Variants in NACC1 observed in about 807,000 individuals in gnomAD.
NACC1 encodes nucleus accumbens associated 1.
In NACC1, 6 loss-of-function variants were observed where a neutral mutation model predicts 41.7. The observed-to-expected ratio is 0.14, with a 90% CI of 0.08 to 0.28. The LOEUF (loss-of-function observed/expected upper bound fraction) is 0.28. Ranked by LOEUF, NACC1 falls within the 10% of genes least tolerant of loss-of-function variation. The probability of loss-of-function intolerance (pLI) is 1.00; values close to 1 mark genes in which losing one functional copy is unlikely to be tolerated. For missense variants in NACC1, 434 were observed against 763.7 expected (o/e 0.57, Z 5.09); for synonymous variants, 338 against 330.6 (o/e 1.02, Z -0.24).
chr19:13,127,477 G>C (rs1441376046), intron 1 of NACC1, among the ~76,000 whole-genome samples: 1 of 145,586 alleles, frequency 6.9e-6, no homozygotes, highest in Non-Finnish European at 1.5e-5. Context: ...GATCACTTGA[G>C]GTCAGGAGTT....
intron 1 of NACC1, among the ~76,000 whole-genome samples, chr19:13,123,245 T>C (rs1202488640): frequency 6.6e-6 from 1 of 152,168 alleles, no homozygotes; most frequent in East Asian, 1.9e-4. Flanking sequence ...TGCTGCCCTG[T>C]CTTTTGGGTA....
At position 13,139,768 on chromosome 19, in the gene NACC1, C is replaced by G. The variant is rs199609207; in HGVS notation, c.*1362C>G. ...CTTTTACCATTCCTCTCTTTTTGTTCTCGCCCAGAGTGGGTGGTTTTTTGT... is the reference window on the plus strand; with the variant it reads ...CTTTTACCATTCCTCTCTTTTTGTTGTCGCCCAGAGTGGGTGGTTTTTTGT... On this transcript the variant is annotated 3_prime_UTR_variant, in exon 6 of 6. Transcript: ENST00000292431. The G allele has an allele frequency of 1.3e-5, 2 of 152,638 alleles. No individual in the cohort carries two copies. The highest frequency in any genetic ancestry group is 2.9e-5 in the Non-Finnish European group (2 of 68,270). 9.5% of individuals were successfully genotyped at this position (152,638 alleles called of 1,614,324 possible).
chr19:13,120,053 G>A (rs77336124), intron 1 of NACC1, among the ~76,000 whole-genome samples: 3,185 of 152,276 alleles, frequency 0.021, 66 homozygotes, highest in Admixed American at 0.066. Context: ...ATTCCCTGGC[G>A]GGCGTTCTCC....
intron 1 of NACC1, among the ~76,000 whole-genome samples, chr19:13,125,970 CAG>C (rs2019556269): frequency 6.6e-6 from 1 of 151,770 alleles, no homozygotes; most frequent in South Asian, 2.1e-4. Flanking sequence ...CTCCTGACCT[CAG>C]GTGATCCGCC....
intron 1 of NACC1, among the ~76,000 whole-genome samples, chr19:13,122,518 C>A: frequency 1.0e-5 from 1 of 96,376 alleles, no homozygotes; most frequent in South Asian, 4.0e-4. Context: ...TTTGGTTGCC[C>A]CTGCCGGGGG....
chr19:13,135,992 C>T lies in NACC1; in HGVS notation c.785C>T (p.Thr262Ile), dbSNP rs755051639. The T allele has an allele frequency of 6.2e-7, 1 of 1,612,394 alleles. No homozygotes were observed. The highest frequency in any genetic ancestry group is 1.1e-5 in the South Asian group (1 of 90,718). ...VVSGPSTSER[T>I]SPGTSSAYTS... The stretch of plus-strand genomic sequence containing the variant: ...AGTGGGCCCAGCACGTCGGAGCGGA[C>T]CAGCCCAGGCACCTCAAGCGCCTAC... Residue 262 changes from threonine to isoleucine, a missense_variant, in exon 2 of 6, where the codon ACC becomes ATC. Coordinates refer to ENST00000292431, the MANE Select transcript of NACC1 (RefSeq NM_052876.4).
intron 1 of NACC1, among the ~76,000 whole-genome samples, chr19:13,118,738 C>A (rs553568795): frequency 8.0e-6 from 1 of 125,672 alleles, no homozygotes; most frequent in Admixed American, 8.6e-5. Context: ...ACCGGGGATC[C>A]GGGGAAGTTG....
At chr19:13,119,643 C>A (rs2019463706) in intron 1 of NACC1, among the ~76,000 whole-genome samples, 1 of 152,166 alleles carries the variant, frequency 6.6e-6, no homozygotes, top group Non-Finnish European at 1.5e-5. Context: ...TGTGCCATCT[C>A]CCTGGGGGTG....
At position 13,137,556 on chromosome 19, in the gene NACC1, C is replaced by T. The variant is rs372781005; in HGVS notation, c.1305C>T (p.Arg435=). The change falls in exon 5 of 6, where the codon CGC becomes CGT. Residue 435 remains arginine, a synonymous_variant. Coordinates refer to ENST00000292431, the MANE Select transcript of NACC1 (RefSeq NM_052876.4). This position sits in a 1 kb window ranked among gnomAD's most constrained non-coding sequence, Gnocchi z 6.1. ...CCCGTCGGAAGCCCCTGGACAGCCG[C>T]GTGCTCCACGCTGTCAAGTGTGAGT... is the stretch of plus-strand genomic sequence containing the variant. ...NDPRRKPLDS[R]VLHAVKYYCQ... is the part of the protein sequence containing the mutation. The T allele has an allele frequency of 3.9e-6, 6 of 1,557,644 alleles. No individual in the cohort carries two copies. Among genetic ancestry groups the T allele is most frequent in the Admixed American group, 1.9e-5 (1 of 51,344 alleles).
At chr19:13,129,941 C>T (rs375320203) in intron 1 of NACC1, among the ~76,000 whole-genome samples, 3 of 151,828 alleles carry the variant, frequency 2.0e-5, no homozygotes, top group Non-Finnish European at 2.9e-5. Flanking sequence ...TACCTGTGGC[C>T]GGTGCTGGGT....
At chr19:13,122,793 T>C (rs1393526375) in intron 1 of NACC1, among the ~76,000 whole-genome samples, 1 of 151,946 alleles carries the variant, frequency 6.6e-6, no homozygotes, top group African/African-American at 2.4e-5. Context: ...GTCTGGGAGA[T>C]GGTGAGAGGC....
At chr19:13,130,683 GCACCACCA>G (rs980014759) in intron 1 of NACC1, among the ~76,000 whole-genome samples, 5 of 151,964 alleles carry the variant, frequency 3.3e-5, no homozygotes, top group South Asian at 2.1e-4. Flanking sequence ...CTACAGATGT[GCACCACCA>G]CACCCGGCTA....
rs149246627 is a variant in NACC1 at position 13,137,618 on chromosome 19, G to A, written c.1324+43G>A. 2.7e-4 allele frequency: 401 copies of A among 1,503,462 alleles called. 1 individual carries two copies. In the African/African-American group the frequency reaches 4.7e-3, roughly 18 times the overall value. The allele number at this position is 1,503,462 out of a possible 1,614,324, so 93.1% of individuals were successfully genotyped here. On this transcript the variant is annotated intron_variant, in intron 5 of 5. Coordinates refer to ENST00000292431, the MANE Select transcript of NACC1 (RefSeq NM_052876.4). This position sits in a 1 kb window ranked among gnomAD's most constrained non-coding sequence, Gnocchi z 6.1. ...TGGACGAGGCGTGGGCCCGGGGCAC[G>A]CAGGTTGACGTTTTTTCCCAGCCTT...
Position 13,136,598 on chromosome 19 carries a change from G to A in NACC1, c.1120+193G>A, listed in dbSNP as rs1280275161. ...CTGATACAGCAAGGCCTGGCCTCTA[G>A]GTTTCTGGCTTAAGGGGTCGGGGCG... On this transcript the variant is annotated intron_variant, in intron 3 of 5. Coordinates refer to ENST00000292431, the MANE Select transcript of NACC1 (RefSeq NM_052876.4). The surrounding 1 kb of genome is among the most constrained non-coding windows in gnomAD (Gnocchi z 5.5). Among the ~76,000 whole-genome samples, 3 of 152,174 alleles carry A rather than the reference G, an allele frequency of 2.0e-5. No individual in the cohort carries two copies. Among genetic ancestry groups the A allele is most frequent in the African/African-American group, 7.2e-5 (3 of 41,444 alleles).
chr19:13,117,259 C>G (rs2019398493), upstream of NACC1: 1 of 152,354 alleles, frequency 6.6e-6, no homozygotes, highest in African/African-American at 2.4e-5. Flanking sequence ...GTGGTCCCGG[C>G]TACCTGGGTT....
intron 1 of NACC1, among the ~76,000 whole-genome samples, chr19:13,125,484 G>A (rs1599985871): frequency 6.8e-6 from 1 of 147,038 alleles, no homozygotes; most frequent in South Asian, 2.1e-4. Context: ...GCAGTGGTGC[G>A]ATCTTGACTC....
In NACC1 at chr19:13,136,425, G is replaced by C. The variant is rs200497854; in HGVS notation, c.1120+20G>C. On this transcript the variant is annotated intron_variant, in intron 3 of 5. Coordinates refer to ENST00000292431, the MANE Select transcript of NACC1 (RefSeq NM_052876.4). The surrounding 1 kb of genome is among the most constrained non-coding windows in gnomAD (Gnocchi z 5.5). ...TGACAGGTGGGCCGGTCTCGCCCCA[G>C]ATCTCTCCCCTCCGCAGCTTTGGAG... is the stretch of plus-strand genomic sequence containing the variant. 1 of 1,599,244 alleles carries C rather than the reference G, an allele frequency of 6.3e-7. No homozygotes were observed. The highest frequency in any genetic ancestry group is 1.3e-5 in the African/African-American group (1 of 74,822).
intron 1 of NACC1, among the ~76,000 whole-genome samples, chr19:13,120,950 G>C (rs2019482694): frequency 6.6e-6 from 1 of 152,208 alleles, no homozygotes; most frequent in Non-Finnish European, 1.5e-5. Context: ...TTTCACTGCT[G>C]GGTGCTGACT....
Position 13,137,663 on chromosome 19 carries a change from A to G in NACC1, c.1324+88A>G. The G allele has an allele frequency of 1.8e-6, 2 of 1,117,920 alleles. No homozygotes were observed. Among genetic ancestry groups the G allele is most frequent in the Non-Finnish European group, 1.3e-6 (1 of 778,510 alleles). 69.3% of individuals were successfully genotyped at this position (1,117,920 alleles called of 1,614,324 possible). A position where few individuals can be genotyped will look rare whatever the true frequency, so the allele number is the denominator to read the frequency against. Reference sequence around the variant, plus strand: ...AGCCTTGGCTCTCAGAGAGGGCTAGAGTTCAGTGTTGAGAAGCATTCTGGG... The same window carrying G: ...AGCCTTGGCTCTCAGAGAGGGCTAGGGTTCAGTGTTGAGAAGCATTCTGGG... On this transcript the variant is annotated intron_variant, in intron 5 of 5. Transcript: ENST00000292431. This position sits in a 1 kb window ranked among gnomAD's most constrained non-coding sequence, Gnocchi z 6.1.
Sources: allele counts gnomAD v4.1 joint callset (sites outside exome capture counted in the v4.1 genomes callset), GRCh38; gene constraint gnomAD v4.1.1; non-coding constraint Gnocchi (gnomAD v3.1); transcripts MANE v1.5; gene names NCBI Gene and HGNC (gene_info 2026-07-23, HGNC 2026-07-21).